The following RGL1 variants were observed in gnomAD, a reference collection of about 807,000 sequenced individuals.
The protein encoded by RGL1 is ral guanine nucleotide dissociation stimulator like 1, also known as ral guanine nucleotide dissociation stimulator-like 1.
Under a neutral mutation model 95.2 loss-of-function variants are expected in RGL1, and 24 were observed. That is an observed-to-expected ratio of 0.25 (90% CI 0.18 to 0.35). The LOEUF (loss-of-function observed/expected upper bound fraction) is 0.35. Ranked by LOEUF, RGL1 falls within the 10% of genes least tolerant of loss-of-function variation. The probability of loss-of-function intolerance (pLI) is 1.00; values close to 1 mark genes in which losing one functional copy is unlikely to be tolerated. For missense variants in RGL1, 715 were observed against 936.3 expected (o/e 0.76, Z 3.08); for synonymous variants, 329 against 344.9 (o/e 0.95, Z 0.51).
rs115477018 is a variant in RGL1, at chr1:183,845,453, A to G, written c.139-2113A>G. Among the ~76,000 whole-genome samples, 735 of 152,328 alleles carry G rather than the reference A, an allele frequency of 4.8e-3. 7 individuals are homozygous for G. Among genetic ancestry groups the G allele is most frequent in the Admixed American group, 7.8e-3 (120 of 15,306 alleles). On this transcript the variant is annotated intron_variant, in intron 2 of 17. Transcript: ENST00000360851. ...AAGATTTTATTACCAATGAATTTTT[A>G]TGTATTATGGTTTATATCTACCAAG...
intron 7 of RGL1, among the ~76,000 whole-genome samples, chr1:183,885,402 A>G (rs1558271339): frequency 6.6e-6 from 1 of 152,224 alleles, no homozygotes; most frequent in Non-Finnish European, 1.5e-5. Flanking sequence ...GTACTTCTTC[A>G]GAGTCCTGAA....
intron 4 of RGL1, among the ~76,000 whole-genome samples, chr1:183,870,096 C>T (rs911761150): frequency 8.5e-5 from 13 of 152,162 alleles, no homozygotes; most frequent in Non-Finnish European, 1.3e-4. Flanking sequence ...CAACACAAAG[C>T]GGTGTGGAGC....
At chr1:183,699,654 T>C (rs1215263647) in intron 1 of RGL1, among the ~76,000 whole-genome samples, 1 of 152,144 alleles carries the variant, frequency 6.6e-6, no homozygotes, top group Non-Finnish European at 1.5e-5. Context: ...GCAGGCTGCC[T>C]CTGATTTATT....
chr1:183,687,999 T>A (rs967989077), intron 1 of RGL1, among the ~76,000 whole-genome samples: 2 of 152,194 alleles, frequency 1.3e-5, no homozygotes, highest in African/African-American at 4.8e-5. Context: ...TTGATTCTAG[T>A]CTTGCCACTA....
intron 1 of RGL1, among the ~76,000 whole-genome samples, chr1:183,638,421 T>A (rs572462349): frequency 1.5e-3 from 236 of 152,340 alleles, no homozygotes; most frequent in Non-Finnish European, 2.9e-3. Context: ...GTCAATGATT[T>A]AATGATCTGA....
chr1:183,645,918 C>G (rs568634586), intron 1 of RGL1, among the ~76,000 whole-genome samples: 9 of 152,296 alleles, frequency 5.9e-5, no homozygotes, highest in African/African-American at 2.2e-4. Flanking sequence ...GTTTAACTGC[C>G]AAAGGCACTT....
intron 1 of RGL1, chr1:183,648,161 T>A (rs1374938350): frequency 5.6e-6 from 9 of 1,614,180 alleles, no homozygotes; most frequent in Non-Finnish European, 5.9e-6. Context: ...AAACATGTGA[T>A]CCTGAGACAC....
rs906114618 is a variant in RGL1, at chr1:183,776,383, C to T, written c.133-29992C>T. ...CAGGATGGTCTCGATCTCCTGACCT[C>T]GTGATCCGCCCGCCTCGGCCTCCCA... is the stretch of plus-strand genomic sequence containing the variant. On this transcript the variant is annotated intron_variant, in intron 2 of 18. Transcript: ENST00000304685. Among the ~76,000 whole-genome samples, 11 of 151,766 alleles carry T rather than the reference C, an allele frequency of 7.2e-5. No homozygotes were observed. In the South Asian group the frequency reaches 2.1e-3, roughly 29 times the overall value.
chr1:183,893,442 A>G (rs1299099233), intron 9 of RGL1, among the ~76,000 whole-genome samples: 1 of 152,190 alleles, frequency 6.6e-6, no homozygotes, highest in Non-Finnish European at 1.5e-5. Flanking sequence ...TTGGTGAGCT[A>G]TATTCATGTA....
intron 2 of RGL1, among the ~76,000 whole-genome samples, chr1:183,813,335 C>G (rs1053880298): frequency 6.6e-6 from 1 of 152,198 alleles, no homozygotes; most frequent in South Asian, 2.1e-4. Flanking sequence ...TCCATATACA[C>G]TAGCAAATGC....
chr1:183,787,179 G>A (rs1196843069), intron 2 of RGL1, among the ~76,000 whole-genome samples: 1 of 152,118 alleles, frequency 6.6e-6, no homozygotes, highest in African/African-American at 2.4e-5. Context: ...CCCAGTGCCC[G>A]GTCTGTGATG....
intron 1 of RGL1, among the ~76,000 whole-genome samples, chr1:183,720,088 C>T (rs575309975): frequency 9.2e-5 from 14 of 151,858 alleles, no homozygotes; most frequent in Non-Finnish European, 1.5e-4. Context: ...GAAAAATTAG[C>T]GTTAAAAAAA....
chr1:183,836,969 T>C (rs890572385), intron 2 of RGL1, among the ~76,000 whole-genome samples: 1 of 152,174 alleles, frequency 6.6e-6, no homozygotes, highest in African/African-American at 2.4e-5. Context: ...ATTACAATAA[T>C]AGGTAATCAT....
intron 2 of RGL1, among the ~76,000 whole-genome samples, chr1:183,809,766 C>T (rs1370057588): frequency 6.6e-6 from 1 of 152,018 alleles, no homozygotes; most frequent in Non-Finnish European, 1.5e-5. Context: ...GGCAACATAG[C>T]AAGACCCTGT....
chr1:183,681,946 T>C (rs1653245905), intron 1 of RGL1, among the ~76,000 whole-genome samples: 1 of 152,238 alleles, frequency 6.6e-6, no homozygotes, highest in South Asian at 2.1e-4. Context: ...TTTTCTAGTT[T>C]ATTTGTGTAG....
chr1:183,682,152 TTG>T (rs1653262146), intron 1 of RGL1, among the ~76,000 whole-genome samples: 1 of 152,198 alleles, frequency 6.6e-6, no homozygotes, highest in Non-Finnish European at 1.5e-5. Flanking sequence ...GAAGGGTTTT[TTG>T]TGTCTCTATC....
chr1:183,788,770 A>C (rs1483712672), intron 2 of RGL1, among the ~76,000 whole-genome samples: 1 of 152,246 alleles, frequency 6.6e-6, no homozygotes, highest in Admixed American at 6.5e-5. Context: ...AGAAGAGAAG[A>C]TGTAGTGCTA....
intron 1 of RGL1, among the ~76,000 whole-genome samples, chr1:183,662,125 G>A (rs184661578): frequency 3.7e-4 from 56 of 151,366 alleles, no homozygotes; most frequent in Middle Eastern, 3.4e-3. Flanking sequence ...GCAAAAACTC[G>A]AAGCATTCCC....
At chr1:183,801,528 T>C (rs550229023), upstream of RGL1, among the ~76,000 whole-genome samples, 1 of 152,348 alleles carries the variant, frequency 6.6e-6, no homozygotes, top group Non-Finnish European at 1.5e-5. Context: ...AATTTTAATT[T>C]TCTTGCCTGT....
Sources: allele counts gnomAD v4.1 joint callset (sites outside exome capture counted in the v4.1 genomes callset), GRCh38; gene constraint gnomAD v4.1.1; transcripts MANE v1.5; gene names NCBI Gene and HGNC (gene_info 2026-07-23, HGNC 2026-07-21).